EHMT2: variants seen among roughly 807,000 people sequenced by gnomAD.
The protein encoded by EHMT2 is euchromatic histone lysine methyltransferase 2.
A neutral mutation model predicts 143.3 loss-of-function variants in EHMT2; 59 were observed. The ratio of observed to expected loss-of-function variants is 0.41; its 90% CI spans 0.33 to 0.51. EHMT2 has a LOEUF of 0.51. EHMT2 is among the 20% of genes least tolerant of loss of function. EHMT2 has a pLI of 0.18. For missense variants in EHMT2, 1,174 were observed against 1,645.9 expected (o/e 0.71, Z 4.96); for synonymous variants, 604 against 651.5 (o/e 0.93, Z 1.11).
chr6:31,885,205 C>T (rs1358239914), intron 18 of EHMT2, 189 bp from the exon 19 acceptor site: 10 of 711,024 alleles, frequency 1.4e-5, no homozygotes, highest in African/African-American at 5.4e-5. Context: ...GGGTCGGGCG[C>T]GGTGGCTCAT....
chr6:31,886,923 C>G, intron 16 of EHMT2, 26 bp from the exon 17 acceptor site: 1 of 1,614,008 alleles, frequency 6.2e-7, no homozygotes, highest in Non-Finnish European at 8.5e-7. Context: ...AGGGCTGGCA[C>G]CAGGGAGGCA....
At position 31,880,155 on chromosome 6, in the gene EHMT2, G is replaced by C; in HGVS notation, c.3562C>G (p.Arg1188Gly). 1 of 1,612,990 alleles carries C rather than the reference G, an allele frequency of 6.2e-7. No homozygotes were observed. Among genetic ancestry groups the C allele is most frequent in the Non-Finnish European group, 8.5e-7 (1 of 1,179,998 alleles). ...GGGTGTGGGTCCAGGCGGGCCAGAC[G>C]GCTCTGCTCCAGGGCAATGGCTTCG... Residue 1188 changes from arginine to glycine, a missense_variant, in exon 28 of 28, where the codon CGT becomes GGT. Transcript: ENST00000375537. This position sits in a 1 kb window ranked among gnomAD's most constrained non-coding sequence, Gnocchi z 6.6.
chr6:31,896,998 G>T lies in EHMT2; in HGVS notation c.43-9C>A. 1 of 1,560,494 alleles carries T rather than the reference G, an allele frequency of 6.4e-7. No homozygotes were observed. The highest frequency in any genetic ancestry group is 1.4e-5 in the African/African-American group (1 of 72,710). On this transcript the variant is annotated splice_polypyrimidine_tract_variant and intron_variant, in intron 1 of 27. Coordinates refer to ENST00000375537, the Ensembl canonical transcript of EHMT2. Reference sequence around the variant, plus strand: ...TCAGCGGGGGCCTCCCCCTGGGAGGGGAGACAAGGGACAGGAGGGCTGGTC... The same window carrying T: ...TCAGCGGGGGCCTCCCCCTGGGAGGTGAGACAAGGGACAGGAGGGCTGGTC...
At chr6:31,887,733 T>C in intron 14 of EHMT2, 46 bp downstream of exon 14, 1 of 1,605,338 alleles carries the variant, frequency 6.2e-7, no homozygotes, top group South Asian at 1.1e-5. Context: ...ACACCACTCC[T>C]CTGGCCTCAG....
intron 1 of EHMT2, chr6:31,897,217 G>A (rs1174266724): frequency 2.4e-6 from 3 of 1,238,800 alleles, no homozygotes; most frequent in Non-Finnish European, 3.1e-6. Flanking sequence ...GGGGCCGAGA[G>A]AAGAGGAGGG....
chr6:31,885,900 A>G (rs1391275987), intron 18 of EHMT2: 1 of 152,180 alleles, frequency 6.6e-6, no homozygotes, highest in African/African-American at 2.4e-5. Context: ...CAGCCTGGCC[A>G]ATATGGTGAA....
rs1390452999 is a variant in EHMT2 at position 31,897,231 on chromosome 6, G to A, written c.43-242C>T. 6 of 1,216,632 alleles carry A rather than the reference G, an allele frequency of 4.9e-6. No homozygotes were observed. In the African/African-American group the frequency reaches 7.9e-5, roughly 16 times the overall value. The allele number at this position is 1,216,632 out of a possible 1,614,324, so 75.4% of individuals were successfully genotyped here. A position where few individuals can be genotyped will look rare whatever the true frequency, so the allele number is the denominator to read the frequency against. On this transcript the variant is annotated intron_variant, in intron 1 of 27. Coordinates refer to ENST00000375537, the Ensembl canonical transcript of EHMT2. The stretch of plus-strand genomic sequence containing the variant: ...TGGGGCCGAGAGAAGAGGAGGGGGA[G>A]GGGGCGGGGCCTCCGCGCCCCGGCC...
chr6:31,887,964 G>A lies in EHMT2; in HGVS notation c.1746-3C>T, dbSNP rs1765109064. 1.3e-6 allele frequency: 2 copies of A among 1,586,846 alleles called. No individual in the cohort carries two copies. The highest frequency in any genetic ancestry group is 1.3e-5 in the African/African-American group (1 of 74,256). ...CCCCATGCCCTCGCATCCGGGCACT[G>A]TGGAAGAAGGAGCTCATGTCCAGGA... On this transcript the variant is annotated splice_region_variant and splice_polypyrimidine_tract_variant and intron_variant, in intron 13 of 27. Transcript: ENST00000375537.
At chr6:31,892,843 A>G in exon 5 of EHMT2, 1 of 1,605,938 alleles carries the variant, frequency 6.2e-7, no homozygotes, top group Non-Finnish European at 8.5e-7. Flanking sequence ...CACCTTTCCC[A>G]GTGAGTGGAC....
rs138541170 is a variant in EHMT2 at position 31,889,458 on chromosome 6, C to T, written c.999+10G>A. ...CCACTCCTCTGGAGATATCAGCCTC[C>T]GTCTCTTACCCTATCTGACTGATTC... On this transcript the variant is annotated intron_variant, in intron 8 of 27. Coordinates refer to ENST00000375537, the Ensembl canonical transcript of EHMT2. The surrounding 1 kb of genome is among the most constrained non-coding windows in gnomAD (Gnocchi z 5.1). 1.1e-5 allele frequency: 18 copies of T among 1,612,402 alleles called. No individual in the cohort carries two copies. Among genetic ancestry groups the T allele is most frequent in the African/African-American group, 9.3e-5 (7 of 75,018 alleles).
Position 31,880,664 on chromosome 6 carries a change from G to C in EHMT2, c.3452+9C>G. 2 of 1,613,158 alleles carry C rather than the reference G, an allele frequency of 1.2e-6. No individual in the cohort carries two copies. The highest frequency in any genetic ancestry group is 1.7e-6 in the Non-Finnish European group (2 of 1,179,882). ...CTGGCAGAGCCCCTAGAGACCCCTA[G>C]AGTCTCACCCTAGCTCCTCCCCAGT... On this transcript the variant is annotated intron_variant, in intron 27 of 27. Transcript: ENST00000375537. The surrounding 1 kb of genome is among the most constrained non-coding windows in gnomAD (Gnocchi z 6.6).
At chr6:31,887,408 A>G (rs1765011534) in intron 15 of EHMT2, among the ~76,000 whole-genome samples, 169 bp downstream of exon 15, 1 of 152,202 alleles carries the variant, frequency 6.6e-6, no homozygotes, top group Admixed American at 6.5e-5. Context: ...AGCACCTATG[A>G]GTCACCACAT....
Position 31,889,705 on chromosome 6 carries a change from T to C in EHMT2, c.865-103A>G. ...ATTGCCCCCCGCCACTACCCACGGA[T>C]GGCTGCTGGGGATAAGTGTGGGTAG... On this transcript the variant is annotated intron_variant, in intron 7 of 27. Transcript: ENST00000375537. The surrounding 1 kb of genome is among the most constrained non-coding windows in gnomAD (Gnocchi z 5.1). The C allele has an allele frequency of 6.9e-7, 1 of 1,453,354 alleles. No homozygotes were observed. The highest frequency in any genetic ancestry group is 9.5e-7 in the Non-Finnish European group (1 of 1,053,992). 90.0% of individuals were successfully genotyped at this position (1,453,354 alleles called of 1,614,324 possible). A position where few individuals can be genotyped will look rare whatever the true frequency, so the allele number is the denominator to read the frequency against.
intron 15 of EHMT2, 108 bp downstream of exon 15, chr6:31,887,469 C>G: frequency 1.0e-6 from 1 of 977,398 alleles, no homozygotes; most frequent in Non-Finnish European, 1.6e-6. Flanking sequence ...CTAAGTCCTT[C>G]AGGGCAAGGA....
chr6:31,884,360 G>T lies in EHMT2; in HGVS notation c.2771+32C>A. 6.3e-7 allele frequency: 1 copy of T among 1,592,404 alleles called. No homozygotes were observed. The stretch of plus-strand genomic sequence containing the variant: ...GGAGGGTATGGGTGGGGAGGAGGTG[G>T]TCTTGGGTGCAGAGAGGGGCCCAGG... On this transcript the variant is annotated intron_variant, in intron 21 of 27. Coordinates refer to ENST00000375537, the Ensembl canonical transcript of EHMT2. This position sits in a 1 kb window ranked among gnomAD's most constrained non-coding sequence, Gnocchi z 7.3.
At chr6:31,896,982 G>A (rs762857036) in exon 2 of EHMT2, 1 of 1,569,232 alleles carries the variant, frequency 6.4e-7, no homozygotes, top group Non-Finnish European at 8.6e-7. Flanking sequence ...CTCAGCGGGG[G>A]CCTCCCCCTG....
At chr6:31,885,184 T>C (rs1764668041) in intron 18 of EHMT2, 168 bp from the exon 19 acceptor site, 1 of 954,978 alleles carries the variant, frequency 1.0e-6, no homozygotes, top group African/African-American at 1.7e-5. Flanking sequence ...ATCTAAAAAA[T>C]GGGACTAGTA....
intron 18 of EHMT2, chr6:31,886,086 CAAA>C (rs35648327): frequency 9.8e-5 from 10 of 102,496 alleles, no homozygotes; most frequent in Non-Finnish European, 1.9e-4. Flanking sequence ...GACTCCGTCT[CAAA>C]AAAAAAAAAA....
intron 7 of EHMT2, 23 bp downstream of exon 7, chr6:31,892,383 GA>G: frequency 6.2e-7 from 1 of 1,607,260 alleles, no homozygotes; most frequent in East Asian, 2.2e-5. Flanking sequence ...CACCGGCGGG[GA>G]GGGCAGACCA....
Sources: gnomAD v4.1 joint callset for allele counts (sites outside exome capture counted in the v4.1 genomes callset) on GRCh38, gnomAD v4.1.1 for gene constraint, Gnocchi (gnomAD v3.1) non-coding constraint, MANE v1.5 for transcripts, NCBI Gene and HGNC (gene_info 2026-07-23, HGNC 2026-07-21) for gene names.